AHCYL1: variants seen among roughly 807,000 people sequenced by gnomAD.
The protein encoded by AHCYL1 is S-adenosylhomocysteine hydrolase-like protein 1.
AHCYL1 carries 20 observed loss-of-function variants against 79.3 expected under a neutral mutation model. That is an observed-to-expected ratio of 0.25 (90% CI 0.18 to 0.37). AHCYL1 has a LOEUF of 0.37. AHCYL1 is among the 10% of genes least tolerant of loss of function. The probability of loss-of-function intolerance (pLI) is 1.00; values close to 1 mark genes in which losing one functional copy is unlikely to be tolerated. For synonymous variants in AHCYL1, 223 were observed against 242.2 expected, an observed-to-expected ratio of 0.92 and a Z score of 0.74; for missense variants, 330 against 673.6, an observed-to-expected ratio of 0.49 and a Z score of 5.65.
At position 110,011,336 on chromosome 1, in the gene AHCYL1, G is replaced by A; in HGVS notation, c.355G>A (p.Glu119Lys). The A allele has an allele frequency of 6.2e-7, 1 of 1,614,136 alleles. No individual in the cohort carries two copies. The highest frequency in any genetic ancestry group is 8.5e-7 in the Non-Finnish European group (1 of 1,179,996). The change falls in exon 3 of 17, where the codon GAG becomes AAG. Residue 119 changes from glutamate (E) to lysine (K), a missense_variant. Coordinates refer to ENST00000369799, the MANE Select transcript of AHCYL1 (RefSeq NM_006621.7). ...NIKQAEFGRR[E>K]IEIAEQDMSA... Reference sequence around the variant, plus strand: ...CAAGCAGGCAGAATTTGGACGCCGGGAGATTGAGATTGCAGAGCAAGGTAA... The same window carrying A: ...CAAGCAGGCAGAATTTGGACGCCGGAAGATTGAGATTGCAGAGCAAGGTAA...
At position 110,014,822 on chromosome 1, in the gene AHCYL1, C is replaced by T. The variant is rs375992787; in HGVS notation, c.640C>T (p.Arg214Cys). 1.4e-5 allele frequency: 22 copies of T among 1,614,038 alleles called. No homozygotes were observed. The East Asian group carries it at 2.7e-4, about 20-fold the overall frequency. The change falls in exon 6 of 17, where the codon CGC becomes TGC. Residue 214 changes from arginine to cysteine, a missense_variant. This residue lies in a region of AHCYL1 where 25 missense variants were observed against 27.7 expected (regional missense o/e 0.90). Coordinates refer to ENST00000369799, the MANE Select transcript of AHCYL1 (RefSeq NM_006621.7). Reference sequence around the variant, plus strand: ...AGATGACTTCTGGTGGTGTATTGACCGCTGTGTGAACATGGATGGGTGGCA... The same window carrying T: ...AGATGACTTCTGGTGGTGTATTGACTGCTGTGTGAACATGGATGGGTGGCA... The part of the protein sequence containing the change: ...SEDDFWWCID[R>C]CVNMDGWQAN...
At chr1:110,008,969 A>T (rs1650846357) in intron 1 of AHCYL1, 65 bp from the exon 2 acceptor site, 17 of 843,576 alleles carry the variant, frequency 2.0e-5, no homozygotes, top group East Asian at 3.9e-5. Context: ...ATGTATCCTT[A>T]AAAAAAAAAA....
At chr1:109,999,864 G>T (rs886751661) in intron 1 of AHCYL1, among the ~76,000 whole-genome samples, 5 of 152,122 alleles carry the variant, frequency 3.3e-5, no homozygotes, top group African/African-American at 1.2e-4. Flanking sequence ...GTTTATAAAT[G>T]TGAGCCACTG....
At chr1:110,009,423 C>T (rs984826034) in intron 2 of AHCYL1, among the ~76,000 whole-genome samples, 1 of 152,154 alleles carries the variant, frequency 6.6e-6, no homozygotes, top group Non-Finnish European at 1.5e-5. Context: ...CACATTGATC[C>T]GCCCATTTCA....
chr1:110,012,468 T>C lies in AHCYL1; in HGVS notation c.477+6T>C. 1 of 1,576,914 alleles carries C rather than the reference T, an allele frequency of 6.3e-7. No homozygotes were observed. The highest frequency in any genetic ancestry group is 8.6e-7 in the Non-Finnish European group (1 of 1,163,798). ...ACATCACAGCCCAGACAGCGGTGAG[T>C]TTGTTGGAAGAAAAGAGGGACTTCT... is the stretch of plus-strand genomic sequence containing the variant. On this transcript the variant is annotated splice_donor_region_variant and intron_variant, in intron 4 of 16. Coordinates refer to ENST00000369799, the MANE Select transcript of AHCYL1 (RefSeq NM_006621.7).
rs1418832961 is a variant in AHCYL1 at position 110,018,667 on chromosome 1, A to G, written c.1317+17A>G. 15 of 1,606,790 alleles carry G rather than the reference A, an allele frequency of 9.3e-6. No homozygotes were observed. The highest frequency in any genetic ancestry group is 1.7e-5 in the Admixed American group (1 of 59,436). On this transcript the variant is annotated intron_variant, in intron 13 of 16. Coordinates refer to ENST00000369799, the MANE Select transcript of AHCYL1 (RefSeq NM_006621.7). ...CTGGCAGAGGTACACACAGAGAAGG[A>G]CCCTGGCAGAGCAGCACAAGCAGAG...
At chr1:110,009,184 T>G in intron 2 of AHCYL1, 39 bp downstream of exon 2, 14 of 1,539,434 alleles carry the variant, frequency 9.1e-6, no homozygotes, top group Non-Finnish European at 1.2e-5. Context: ...CTAATCTCTC[T>G]TCCCTGTTTG....
intron 1 of AHCYL1, among the ~76,000 whole-genome samples, chr1:109,989,776 A>T (rs193100113): frequency 6.6e-6 from 1 of 152,234 alleles, no homozygotes; most frequent in African/African-American, 2.4e-5. Flanking sequence ...AACCCTGATT[A>T]TACTGGATAC....
chr1:110,010,725 C>G (rs941760875), intron 2 of AHCYL1, among the ~76,000 whole-genome samples: 1 of 152,210 alleles, frequency 6.6e-6, no homozygotes, highest in Non-Finnish European at 1.5e-5. Context: ...TGCTTAGGTG[C>G]CACTCCATAC....
intron 16 of AHCYL1, 100 bp from the exon 17 acceptor site, chr1:110,021,574 C>A: frequency 1.7e-6 from 2 of 1,190,902 alleles, no homozygotes; most frequent in South Asian, 1.3e-5. Flanking sequence ...CCCACCCAGG[C>A]TGGGGAGGGG....
intron 1 of AHCYL1, among the ~76,000 whole-genome samples, chr1:110,003,128 T>C (rs889858350): frequency 2.6e-5 from 4 of 152,168 alleles, no homozygotes; most frequent in African/African-American, 7.2e-5. Flanking sequence ...ATAAATATTC[T>C]TGAGAAAATT....
In AHCYL1 at chr1:110,021,662, C is replaced by G. The variant is rs1454887905; in HGVS notation, c.1587-12C>G. ...GACATAAGTGTTAACCAATCACTCT[C>G]TCTCTTTACAGATACTAATGGACCA... On this transcript the variant is annotated splice_polypyrimidine_tract_variant and intron_variant, in intron 16 of 16. Transcript: ENST00000369799. 8.7e-6 allele frequency: 14 copies of G among 1,612,086 alleles called. No individual in the cohort carries two copies. The highest frequency in any genetic ancestry group is 1.3e-5 in the African/African-American group (1 of 74,864).
At chr1:110,003,420 C>T (rs889883242) in intron 1 of AHCYL1, among the ~76,000 whole-genome samples, 12 of 151,742 alleles carry the variant, frequency 7.9e-5, no homozygotes, top group African/African-American at 2.9e-4. Context: ...GTTTATTATA[C>T]TATGCTTTTG....
At chr1:110,019,899 A>G (rs531960989) in intron 15 of AHCYL1, among the ~76,000 whole-genome samples, 96 of 152,380 alleles carry the variant, frequency 6.3e-4, no homozygotes, top group African/African-American at 2.3e-3. Flanking sequence ...TCTTACTCTA[A>G]GTAGCCTTAT....
chr1:110,017,132 G>A (rs2101739875), intron 9 of AHCYL1, among the ~76,000 whole-genome samples: 1 of 152,320 alleles, frequency 6.6e-6, no homozygotes, highest in South Asian at 2.1e-4. Flanking sequence ...CTTCAGCAAT[G>A]ACCCAAAGAA....
intron 1 of AHCYL1, chr1:110,004,427 T>G: frequency 6.1e-6 from 6 of 985,494 alleles, no homozygotes; most frequent in Non-Finnish European, 7.2e-6. Flanking sequence ...CTGAGATTGA[T>G]TCCCTTGAGA....
intron 16 of AHCYL1, 102 bp from the exon 17 acceptor site, chr1:110,021,572 G>A: frequency 8.6e-7 from 1 of 1,168,624 alleles, no homozygotes; most frequent in Non-Finnish European, 1.3e-6. Context: ...ATCCCACCCA[G>A]GCTGGGGAGG....
intron 1 of AHCYL1, chr1:110,004,472 T>C (rs1650520826): frequency 2.1e-5 from 21 of 985,332 alleles, no homozygotes; most frequent in Non-Finnish European, 2.3e-5. Flanking sequence ...CTGGGAGCAT[T>C]GTGTTGGGAA....
intron 1 of AHCYL1, among the ~76,000 whole-genome samples, chr1:109,995,352 A>G (rs756066376): frequency 6.6e-6 from 1 of 152,178 alleles, no homozygotes; most frequent in East Asian, 1.9e-4. Flanking sequence ...AGCACTGGGC[A>G]TGTCTGGAAT....
Sources: gnomAD v4.1 joint callset for allele counts (sites outside exome capture counted in the v4.1 genomes callset) on GRCh38, gnomAD v4.1.1 for gene constraint, gnomAD v4.1.1 regional missense constraint, MANE v1.5 for transcripts, NCBI Gene and HGNC (gene_info 2026-07-23, HGNC 2026-07-21) for gene names.